RBFOX1: variants seen among roughly 807,000 people sequenced by gnomAD.
RBFOX1 encodes RNA binding fox-1 homolog 1.
Under a neutral mutation model 57.7 loss-of-function variants are expected in RBFOX1, and 8 were observed. The observed-to-expected ratio is 0.14, with a 90% CI of 0.08 to 0.25. The LOEUF (loss-of-function observed/expected upper bound fraction) is 0.25. Ranked by LOEUF, RBFOX1 falls within the 10% of genes least tolerant of loss-of-function variation. The pLI is 1.00. For synonymous variants in RBFOX1, 326 were observed against 222.4 expected, an observed-to-expected ratio of 1.47 and a Z score of -4.15; for missense variants, 611 against 548.5, an observed-to-expected ratio of 1.11 and a Z score of -1.14.
chr16:6,166,879 T>G (rs2096921716), intron 1 of RBFOX1, among the ~76,000 whole-genome samples: 1 of 152,100 alleles, frequency 6.6e-6, no homozygotes, highest in Non-Finnish European at 1.5e-5. Context: ...GTTCAAGCAA[T>G]TCTTCCGCCT....
At chr16:6,147,915 C>A (rs564888521) in intron 1 of RBFOX1, among the ~76,000 whole-genome samples, 1 of 152,310 alleles carries the variant, frequency 6.6e-6, no homozygotes, top group Non-Finnish European at 1.5e-5. Context: ...ATTGCTATGA[C>A]CTTGCCTTCA....
chr16:5,763,507 G>A (rs190439658), intron 3 of RBFOX1, among the ~76,000 whole-genome samples: 1 of 152,330 alleles, frequency 6.6e-6, no homozygotes, highest in Admixed American at 6.5e-5. Flanking sequence ...GATGAAGGGG[G>A]CATGTCTTTA....
At chr16:7,054,029 A>AT (rs1313268709) in intron 4 of RBFOX1, among the ~76,000 whole-genome samples, 1 of 151,776 alleles carries the variant, frequency 6.6e-6, no homozygotes, top group Non-Finnish European at 1.5e-5. Flanking sequence ...CCCTAGTGTG[A>AT]TTAAGTACTG....
intron 1 of RBFOX1, among the ~76,000 whole-genome samples, chr16:6,179,559 A>C (rs940010183): frequency 6.6e-6 from 1 of 152,164 alleles, no homozygotes; most frequent in African/African-American, 2.4e-5. Flanking sequence ...TACTGGGCTC[A>C]GAGACTGTGG....
intron 3 of RBFOX1, among the ~76,000 whole-genome samples, chr16:5,781,774 A>G (rs1194206327): frequency 2.0e-5 from 3 of 152,320 alleles, no homozygotes; most frequent in African/African-American, 7.2e-5. Context: ...TCTGTTCTAG[A>G]GGGAGAAAAC....
intron 3 of RBFOX1, among the ~76,000 whole-genome samples, chr16:7,034,949 A>G (rs1055386083): frequency 1.0e-4 from 15 of 143,046 alleles, no homozygotes; most frequent in Non-Finnish European, 1.9e-4. Flanking sequence ...CCCCGGTTCT[A>G]TCGATTCTCA....
chr16:6,751,774 A>C (rs1406507891), intron 3 of RBFOX1, among the ~76,000 whole-genome samples: 2 of 152,130 alleles, frequency 1.3e-5, no homozygotes, highest in Non-Finnish European at 2.9e-5. Context: ...CTGTGGTCTT[A>C]TGAAGAATGT....
chr16:6,682,228 A>G (rs2058755045), intron 3 of RBFOX1, among the ~76,000 whole-genome samples: 1 of 152,174 alleles, frequency 6.6e-6, no homozygotes, highest in Non-Finnish European at 1.5e-5. Flanking sequence ...AACGCAACAG[A>G]GTCAGCGCTT....
intron 2 of RBFOX1, among the ~76,000 whole-genome samples, chr16:6,418,013 A>T (rs1266338642): frequency 2.0e-5 from 3 of 152,128 alleles, no homozygotes; most frequent in Admixed American, 1.3e-4. Context: ...TCAAGATCAA[A>T]TAAGAGACAC....
intron 4 of RBFOX1, among the ~76,000 whole-genome samples, chr16:5,977,831 A>T (rs1249780323): frequency 6.6e-6 from 1 of 152,088 alleles, no homozygotes; most frequent in Non-Finnish European, 1.5e-5. Context: ...TAGGTTTTCT[A>T]CTCAAAAAGC....
intron 3 of RBFOX1, among the ~76,000 whole-genome samples, chr16:6,851,245 G>C (rs943172533): frequency 1.3e-5 from 2 of 152,270 alleles, no homozygotes; most frequent in African/African-American, 4.8e-5. Flanking sequence ...TAGATATAGA[G>C]AATCAATGCG....
chr16:5,615,054 A>G (rs1207264275), intron 3 of RBFOX1, among the ~76,000 whole-genome samples: 1 of 152,110 alleles, frequency 6.6e-6, no homozygotes. Flanking sequence ...TTTGTTTTTG[A>G]GATGGGGTTT....
At chr16:6,863,541 T>C (rs1380056526) in intron 3 of RBFOX1, among the ~76,000 whole-genome samples, 1 of 151,972 alleles carries the variant, frequency 6.6e-6, no homozygotes, top group East Asian at 1.9e-4. Context: ...AATTATTTTC[T>C]GGTTACATAG....
chr16:7,706,225 G>A (rs979908058), intron 14 of RBFOX1, among the ~76,000 whole-genome samples: 1 of 152,198 alleles, frequency 6.6e-6, no homozygotes, highest in Non-Finnish European at 1.5e-5. Context: ...CTTGCTTTCA[G>A]TTTGAGCTGA....
intron 4 of RBFOX1, among the ~76,000 whole-genome samples, chr16:5,984,055 CCCTCCTTCTCCCTCCCACTCCCCCT>C (rs2060231086): frequency 1.2e-5 from 1 of 84,748 alleles, no homozygotes. Flanking sequence ...TTCTTCCTCC[CCCTCCTTCTCCCTCCCACTCCCCCT>C]CCTCCTCCTC....
intron 4 of RBFOX1, among the ~76,000 whole-genome samples, chr16:7,206,435 G>A (rs1330899077): frequency 6.6e-6 from 1 of 150,638 alleles, no homozygotes; most frequent in Non-Finnish European, 1.5e-5. Context: ...ATACATATAT[G>A]TATTATATTT....
intron 3 of RBFOX1, among the ~76,000 whole-genome samples, chr16:6,656,599 G>GACAC (rs60723864): frequency 0.022 from 3,287 of 146,348 alleles, 46 homozygotes; most frequent in Admixed American, 0.035. Flanking sequence ...GGGGAAAATA[G>GACAC]ACACACACAC....
At chr16:5,579,389 C>T (rs1300200915) in intron 2 of RBFOX1, among the ~76,000 whole-genome samples, 3 of 152,164 alleles carry the variant, frequency 2.0e-5, no homozygotes, top group Non-Finnish European at 2.9e-5. Context: ...GTGCCTCCCC[C>T]AGCATCCTTG....
intron 1 of RBFOX1, among the ~76,000 whole-genome samples, chr16:6,216,549 C>T (rs1313373094): frequency 1.3e-5 from 2 of 152,220 alleles, no homozygotes; most frequent in Non-Finnish European, 2.9e-5. Flanking sequence ...TAGAAATATC[C>T]ACAAGCCACA....
Sources: gnomAD v4.1 joint callset for allele counts (sites outside exome capture counted in the v4.1 genomes callset) on GRCh38, gnomAD v4.1.1 for gene constraint, MANE v1.5 for transcripts, NCBI Gene and HGNC (gene_info 2026-07-23, HGNC 2026-07-21) for gene names.